GJB7: variants seen among roughly 807,000 people sequenced by gnomAD.
GJB7 encodes the protein gap junction beta-7 protein.
For missense variants in GJB7, 253 were observed against 256.8 expected (o/e 0.99, Z 0.10); for synonymous variants, 87 against 95.2 (o/e 0.91, Z 0.50).
chr6:87,321,877 G>C (rs1776670263), intron 2 of GJB7, among the ~76,000 whole-genome samples: 1 of 152,132 alleles, frequency 6.6e-6, no homozygotes, highest in South Asian at 2.1e-4. Context: ...GAAGGGGGAA[G>C]TGCTACACTC....
intron 2 of GJB7, among the ~76,000 whole-genome samples, chr6:87,321,448 T>A (rs930300845): frequency 6.6e-6 from 1 of 152,170 alleles, no homozygotes; most frequent in Non-Finnish European, 1.5e-5. Context: ...TTTACCAGTC[T>A]TACGATCTCC....
intron 1 of GJB7, among the ~76,000 whole-genome samples, chr6:87,328,413 T>C (rs909781501): frequency 1.3e-5 from 2 of 152,168 alleles, no homozygotes; most frequent in East Asian, 1.9e-4. Flanking sequence ...TTGATGGTGA[T>C]GTACAGATGG....
chr6:87,325,175 A>AT (rs1776786267), intron 1 of GJB7, among the ~76,000 whole-genome samples: 1 of 152,146 alleles, frequency 6.6e-6, no homozygotes. Context: ...GGCTGAGACA[A>AT]TGGGGTTTTC....
Position 87,324,627 on chromosome 6 carries a change from A to G in GJB7, c.-205-1584T>C, listed in dbSNP as rs368159406. Among the ~76,000 whole-genome samples, 182 of 142,662 alleles carry G rather than the reference A, an allele frequency of 1.3e-3. 1 individual carries two copies. Among genetic ancestry groups the G allele is most frequent in the African/African-American group, 4.2e-3 (169 of 39,930 alleles). 93.6% of individuals were successfully genotyped at this position (142,662 alleles called of 152,430 possible). ...GGGCTCTGTTCTATTCCATTGATCT[A>G]TATCTCTGTTTTGGTACCAGTACCA... On this transcript the variant is annotated intron_variant, in intron 1 of 2. Transcript: ENST00000525899.
intron 2 of GJB7, among the ~76,000 whole-genome samples, chr6:87,303,853 A>T (rs1776377100): frequency 6.6e-6 from 1 of 152,236 alleles, no homozygotes; most frequent in African/African-American, 2.4e-5. Flanking sequence ...ATCAAACTAG[A>T]ACTCAGGATT....
In GJB7 at chr6:87,283,216, T is replaced by C. The variant is rs1190002084; in HGVS notation, c.*1025A>G. 1.3e-5 allele frequency: 2 copies of C among 152,230 alleles called. No homozygotes were observed. The allele number at this position is 152,230 out of a possible 1,614,324, so 9.4% of individuals were successfully genotyped here. On this transcript the variant is annotated 3_prime_UTR_variant, in exon 3 of 3. Transcript: ENST00000525899. ...AGTAAATTATAGGCGAACTATGACT[T>C]ACAGTATAGTACATAGTGAATTCCT...
intron 2 of GJB7, among the ~76,000 whole-genome samples, chr6:87,313,691 A>G (rs1241919022): frequency 1.3e-5 from 2 of 152,230 alleles, no homozygotes; most frequent in African/African-American, 4.8e-5. Flanking sequence ...CAAAGTAGAA[A>G]CTATGTAATA....
chr6:87,302,999 G>A (rs1361970877), intron 2 of GJB7, among the ~76,000 whole-genome samples: 1 of 152,160 alleles, frequency 6.6e-6, no homozygotes, highest in Non-Finnish European at 1.5e-5. Flanking sequence ...TCACCACCAG[G>A]CCTGCTCTAC....
chr6:87,318,710 G>C (rs1361110741), intron 2 of GJB7, among the ~76,000 whole-genome samples: 2 of 152,188 alleles, frequency 1.3e-5, no homozygotes, highest in African/African-American at 4.8e-5. Flanking sequence ...GACACAGGGA[G>C]GGGTGAAGAA....
In GJB7 at chr6:87,284,738, C is replaced by T. The variant is rs368973032; in HGVS notation, c.175G>A (p.Gly59Ser). Residue 59 changes from glycine to serine, a missense_variant, in exon 3 of 3, where the codon GGT becomes AGT. Transcript: ENST00000525899. Reference sequence around the variant, plus strand: ...TCATCAAAACACACATTTTTGCAACCGGGCTGTCTACTGTTGCACTCAAAC... The same window carrying T: ...TCATCAAAACACACATTTTTGCAACTGGGCTGTCTACTGTTGCACTCAAAC... ...KEFECNSRQP[G>S]CKNVCFDDFF... is the part of the protein sequence containing the mutation. 46 of 1,613,986 alleles carry T rather than the reference C, an allele frequency of 2.9e-5. No individual in the cohort carries two copies. In the East Asian group the frequency reaches 4.2e-4, roughly 15 times the overall value.
chr6:87,290,016 A>T (rs966673114), intron 2 of GJB7, among the ~76,000 whole-genome samples: 2 of 152,210 alleles, frequency 1.3e-5, no homozygotes, highest in Non-Finnish European at 2.9e-5. Context: ...GCCTTCATAC[A>T]CAGCTCCTTT....
chr6:87,323,347 A>G (rs1228640453), intron 1 of GJB7, among the ~76,000 whole-genome samples: 1 of 152,148 alleles, frequency 6.6e-6, no homozygotes, highest in Admixed American at 6.5e-5. Flanking sequence ...ATATGTATAC[A>G]TGTGCCATGC....
At chr6:87,317,090 C>A (rs566249429) in intron 2 of GJB7, among the ~76,000 whole-genome samples, 1 of 151,984 alleles carries the variant, frequency 6.6e-6, no homozygotes, top group East Asian at 1.9e-4. Flanking sequence ...CGTGGTGGCT[C>A]ATGCCTGTAA....
intron 2 of GJB7, chr6:87,298,695 A>G (rs915383900): frequency 5.5e-6 from 1 of 181,630 alleles, no homozygotes; most frequent in African/African-American, 2.4e-5. Flanking sequence ...AATCAAAACC[A>G]TGGAAATGGG....
chr6:87,290,839 A>T (rs1472407527), intron 2 of GJB7, among the ~76,000 whole-genome samples: 1 of 152,228 alleles, frequency 6.6e-6, no homozygotes, highest in Non-Finnish European at 1.5e-5. Flanking sequence ...TATGGCCCTC[A>T]AAACCTAAAA....
chr6:87,293,907 G>T (rs1426231505), intron 2 of GJB7, among the ~76,000 whole-genome samples: 1 of 152,200 alleles, frequency 6.6e-6, no homozygotes, highest in Non-Finnish European at 1.5e-5. Flanking sequence ...ACCAGGGGCT[G>T]GGGTTGATCA....
At chr6:87,322,095 C>G (rs1193620824) in intron 2 of GJB7, among the ~76,000 whole-genome samples, 1 of 152,158 alleles carries the variant, frequency 6.6e-6, no homozygotes, top group Non-Finnish European at 1.5e-5. Context: ...ATGTGCAAAC[C>G]AGCATCCCTA....
chr6:87,285,179 C>G (rs1018160173), intron 2 of GJB7, among the ~76,000 whole-genome samples: 1 of 152,062 alleles, frequency 6.6e-6, no homozygotes, highest in African/African-American at 2.4e-5. Flanking sequence ...GGTCATCTAC[C>G]CCACCGCCCA....
intron 1 of GJB7, among the ~76,000 whole-genome samples, chr6:87,324,620 T>C (rs1053864226): frequency 6.8e-6 from 1 of 147,630 alleles, no homozygotes; most frequent in Non-Finnish European, 1.5e-5. Context: ...TTCTATTCCA[T>C]TGATCTATAT....
Sources: gnomAD v4.1 joint callset for allele counts (sites outside exome capture counted in the v4.1 genomes callset) on GRCh38, gnomAD v4.1.1 for gene constraint, MANE v1.5 for transcripts, NCBI Gene and HGNC (gene_info 2026-07-23, HGNC 2026-07-21) for gene names.